Variants in SSR1 observed in about 807,000 individuals in gnomAD.
SSR1 encodes the protein signal sequence receptor subunit 1, also known as translocon-associated protein subunit alpha.
A neutral mutation model predicts 36.1 loss-of-function variants in SSR1; 13 were observed. The observed-to-expected ratio is 0.36, with a 90% CI of 0.23 to 0.57. The LOEUF is 0.57. Among genes scored for constraint, SSR1 ranks in the 20% least tolerant of loss-of-function variants. The probability of loss-of-function intolerance (pLI) is 0.81; values close to 1 mark genes in which losing one functional copy is unlikely to be tolerated. For synonymous variants in SSR1, 113 were observed against 118.9 expected, an observed-to-expected ratio of 0.95 and a Z score of 0.32; for missense variants, 291 against 338.5, an observed-to-expected ratio of 0.86 and a Z score of 1.10.
rs1022987439 is a variant in SSR1 at position 7,288,004 on chromosome 6, G to A, written c.*1860C>T. ...ACTTCAGAAGTGGGAGGGCTGATAT[G>A]TAAGGCAAGTTATTTAGGAATGAGG... On this transcript the variant is annotated 3_prime_UTR_variant, in exon 8 of 8. Coordinates refer to ENST00000244763, the MANE Select transcript of SSR1 (RefSeq NM_003144.5). 1 of 152,204 alleles carries A rather than the reference G, an allele frequency of 6.6e-6. No homozygotes were observed. Among genetic ancestry groups the A allele is most frequent in the Non-Finnish European group, 1.5e-5 (1 of 68,026 alleles). The allele number at this position is 152,204 out of a possible 1,614,324, so 9.4% of individuals were successfully genotyped here.
At chr6:7,306,656 C>T (rs962454133) in intron 2 of SSR1, among the ~76,000 whole-genome samples, 3 of 151,500 alleles carry the variant, frequency 2.0e-5, no homozygotes, top group East Asian at 4.0e-4. Context: ...GTGGCTCATG[C>T]CTGTAATCCC....
intron 2 of SSR1, among the ~76,000 whole-genome samples, chr6:7,309,157 A>G (rs923533533): frequency 2.6e-5 from 4 of 152,198 alleles, no homozygotes; most frequent in Admixed American, 6.5e-5. Flanking sequence ...AAATTTTTGT[A>G]TAAGGATAAG....
intron 3 of SSR1, 112 bp downstream of exon 3, chr6:7,303,438 C>T (rs1439206183): frequency 3.1e-6 from 2 of 654,938 alleles, no homozygotes; most frequent in Middle Eastern, 4.6e-4. Context: ...CTACGTATTC[C>T]CTTTAAATGC....
chr6:7,306,794 T>C (rs1213695682), intron 2 of SSR1, among the ~76,000 whole-genome samples: 2 of 151,710 alleles, frequency 1.3e-5, no homozygotes, highest in Non-Finnish European at 2.9e-5. Flanking sequence ...CGGGCGCCTA[T>C]AATCCCAGCT....
chr6:7,300,343 AG>A (rs1288945133), intron 4 of SSR1, among the ~76,000 whole-genome samples: 1 of 152,234 alleles, frequency 6.6e-6, no homozygotes, highest in Non-Finnish European at 1.5e-5. Flanking sequence ...GCTCTCATTT[AG>A]AGGACCTATT....
intron 2 of SSR1, among the ~76,000 whole-genome samples, chr6:7,307,293 G>C (rs1449777189): frequency 6.6e-6 from 1 of 152,204 alleles, no homozygotes; most frequent in Non-Finnish European, 1.5e-5. Context: ...ACAATGGAAG[G>C]TAATACTTTT....
intron 3 of SSR1, among the ~76,000 whole-genome samples, chr6:7,303,173 T>C (rs1352620506): frequency 7.6e-6 from 1 of 131,300 alleles, no homozygotes. Context: ...AAGACAAAGT[T>C]ACTTTGCTGT....
intron 2 of SSR1, among the ~76,000 whole-genome samples, chr6:7,306,304 G>A (rs370847152): frequency 4.6e-5 from 7 of 151,798 alleles, no homozygotes; most frequent in Admixed American, 2.0e-4. Context: ...CACCACACCC[G>A]GCAGATTTTT....
At chr6:7,295,222 C>T in intron 7 of SSR1, 170 bp downstream of exon 7, 2 of 1,142,094 alleles carry the variant, frequency 1.8e-6, no homozygotes, top group Non-Finnish European at 2.5e-6. Context: ...AGACTACACA[C>T]TGAATAAACC....
chr6:7,304,929 G>A (rs1317317964), intron 2 of SSR1, among the ~76,000 whole-genome samples: 2 of 152,324 alleles, frequency 1.3e-5, no homozygotes, highest in East Asian at 3.9e-4. Context: ...TTAAGAGAGA[G>A]TGCACTCAAA....
intron 2 of SSR1, among the ~76,000 whole-genome samples, chr6:7,306,840 CG>C (rs2113298340): frequency 7.3e-6 from 1 of 137,912 alleles, no homozygotes; most frequent in East Asian, 2.6e-4. Flanking sequence ...GGCGTGAACC[CG>C]GGAGGTGGAG....
rs192889036 is a variant in SSR1 at position 7,294,543 on chromosome 6, T to C, written c.793+849A>G. On this transcript the variant is annotated intron_variant, in intron 7 of 7. Coordinates refer to ENST00000244763, the MANE Select transcript of SSR1 (RefSeq NM_003144.5). ...TCTCTACTAAAAATACAAAAAAAATTAGCCGGGCGTGGTGGCACGTGCCTG... is the reference window on the plus strand; with the variant it reads ...TCTCTACTAAAAATACAAAAAAAATCAGCCGGGCGTGGTGGCACGTGCCTG... 2.3e-3 allele frequency among the ~76,000 whole-genome samples: 334 copies of C among 148,110 alleles called. 2 individuals are homozygous for C. Among genetic ancestry groups the C allele is most frequent in the African/African-American group, 7.8e-3 (313 of 39,952 alleles).
chr6:7,288,407 A>C lies in SSR1; in HGVS notation c.*1457T>G, dbSNP rs1203897716. On this transcript the variant is annotated 3_prime_UTR_variant, in exon 8 of 8. Transcript: ENST00000244763. ...GATAGCCCCTATTTGCAAAGTGATTAACAATTATACAATAACTTCTATCTG... is the reference window on the plus strand; with the variant it reads ...GATAGCCCCTATTTGCAAAGTGATTCACAATTATACAATAACTTCTATCTG... The C allele has an allele frequency of 6.6e-6, 1 of 152,298 alleles. No individual in the cohort carries two copies. The highest frequency in any genetic ancestry group is 1.5e-5 in the Non-Finnish European group (1 of 68,024). 9.4% of individuals were successfully genotyped at this position (152,298 alleles called of 1,614,324 possible).
At position 7,289,821 on chromosome 6, in the gene SSR1, AG is replaced by A. The variant is rs773502503; in HGVS notation, c.*42del. The A allele has an allele frequency of 6.5e-7, 1 of 1,542,330 alleles. No individual in the cohort carries two copies. The highest frequency in any genetic ancestry group is 1.3e-5 in the South Asian group (1 of 78,838). On this transcript the variant is annotated 3_prime_UTR_variant, in exon 8 of 8. Coordinates refer to ENST00000244763, the MANE Select transcript of SSR1 (RefSeq NM_003144.5). The stretch of plus-strand genomic sequence containing the variant: ...AATTCCCATCAGGCCGAAAAATATT[AG>A]GGCAGGTTAAGTAAAGACCGAATTG...
intron 7 of SSR1, among the ~76,000 whole-genome samples, chr6:7,292,562 T>TTC (rs1554132718): frequency 3.3e-5 from 5 of 151,064 alleles, no homozygotes; most frequent in African/African-American, 1.2e-4. Flanking sequence ...TTCTTTTTTT[T>TTC]CTCTTAGAGA....
At chr6:7,291,955 C>T (rs1305682035) in intron 7 of SSR1, among the ~76,000 whole-genome samples, 1 of 152,050 alleles carries the variant, frequency 6.6e-6, no homozygotes, top group Non-Finnish European at 1.5e-5. Context: ...CGTCTGTAGT[C>T]CCAGTTATTT....
chr6:7,282,026 G>A lies in SSR1; in HGVS notation c.*7838C>T, dbSNP rs1581620200. 3 of 152,648 alleles carry A rather than the reference G, an allele frequency of 2.0e-5. No individual in the cohort carries two copies. The South Asian group carries it at 6.2e-4, about 32-fold the overall frequency. 9.5% of individuals were successfully genotyped at this position (152,648 alleles called of 1,614,324 possible). On this transcript the variant is annotated 3_prime_UTR_variant, in exon 8 of 8. Transcript: ENST00000244763. ...GATTCCTCAACAGAAAAGGAGTGAG[G>A]AGCAGGGTCAAAGAAATGAAGGTGA...
In SSR1 at chr6:7,301,591, A is replaced by C. The variant is rs1757934360; in HGVS notation, c.281-19T>G. 5.6e-6 allele frequency: 9 copies of C among 1,593,566 alleles called. No homozygotes were observed. The highest frequency in any genetic ancestry group is 7.7e-6 in the Non-Finnish European group (9 of 1,174,272). ...GGAAAATCTGAGAAACAAAATAGAG[A>C]CAAAAAAATTAGAACACATGGAAAG... On this transcript the variant is annotated intron_variant, in intron 3 of 7. Coordinates refer to ENST00000244763, the MANE Select transcript of SSR1 (RefSeq NM_003144.5).
intron 1 of SSR1, among the ~76,000 whole-genome samples, chr6:7,310,507 T>C (rs1384032640): frequency 1.3e-5 from 2 of 152,240 alleles, no homozygotes; most frequent in East Asian, 1.9e-4. Flanking sequence ...TCAAGCAACT[T>C]TGTTAAGCAA....
Sources: allele counts gnomAD v4.1 joint callset (sites outside exome capture counted in the v4.1 genomes callset), GRCh38; gene constraint gnomAD v4.1.1; transcripts MANE v1.5; gene names NCBI Gene and HGNC (gene_info 2026-07-23, HGNC 2026-07-21).